The following DIP2C variants were observed in gnomAD, a reference collection of about 807,000 sequenced individuals.
DIP2C encodes the protein disco-interacting protein 2 homolog C.
Under a neutral mutation model 192.4 loss-of-function variants are expected in DIP2C, and 33 were observed. The observed-to-expected ratio is 0.17, with a 90% confidence interval of 0.13 to 0.23. DIP2C has a LOEUF of 0.23. DIP2C is among the 10% of genes least tolerant of loss of function. The pLI is 1.00. For missense variants in DIP2C, 1,537 were observed against 2,110.1 expected (o/e 0.73, Z 5.32); for synonymous variants, 979 against 864.1 (o/e 1.13, Z -2.33).
intron 1 of DIP2C, among the ~76,000 whole-genome samples, chr10:655,586 G>A (rs758325131): frequency 4.6e-5 from 7 of 152,138 alleles, no homozygotes; most frequent in Non-Finnish European, 7.4e-5. Flanking sequence ...TCTGTTCTGT[G>A]CTTTGCGACT....
chr10:302,683 C>T (rs886487090), intron 32 of DIP2C, among the ~76,000 whole-genome samples: 2 of 152,182 alleles, frequency 1.3e-5, no homozygotes, highest in African/African-American at 2.4e-5. Flanking sequence ...GCCAAGTGCT[C>T]CCGGGCTGCA....
At chr10:471,863 CT>C (rs1970656477) in intron 3 of DIP2C, among the ~76,000 whole-genome samples, 1 of 152,146 alleles carries the variant, frequency 6.6e-6, no homozygotes, top group Non-Finnish European at 1.5e-5. Flanking sequence ...AGCATTTCTC[CT>C]GCCTCAGCCT....
chr10:588,965 G>A (rs1851246594), intron 1 of DIP2C, among the ~76,000 whole-genome samples: 1 of 152,218 alleles, frequency 6.6e-6, no homozygotes, highest in Non-Finnish European at 1.5e-5. Flanking sequence ...GCATCACACA[G>A]GAGTCCCGGC....
intron 1 of DIP2C, among the ~76,000 whole-genome samples, chr10:499,315 C>A (rs113889057): frequency 2.7e-5 from 4 of 147,786 alleles, no homozygotes; most frequent in African/African-American, 1.0e-4. Flanking sequence ...CCTGTGTGGA[C>A]GGCTGGGCTC....
chr10:372,969 A>G (rs991117609), intron 17 of DIP2C, among the ~76,000 whole-genome samples: 27 of 152,214 alleles, frequency 1.8e-4, no homozygotes, highest in African/African-American at 5.3e-4. Context: ...CGTGTGCCAA[A>G]TGGTTCTGAC....
intron 1 of DIP2C, among the ~76,000 whole-genome samples, chr10:568,920 C>T (rs970196596): frequency 1.3e-5 from 2 of 152,046 alleles, no homozygotes; most frequent in African/African-American, 4.8e-5. Flanking sequence ...AGGCACGCTC[C>T]GTATTTTAGA....
rs748824439 is a variant in DIP2C, at chr10:283,249, GGGC to G, written c.4294+20_4294+22del. 1.3e-6 allele frequency: 2 copies of G among 1,580,956 alleles called. No homozygotes were observed. Among genetic ancestry groups the G allele is most frequent in the Non-Finnish European group, 1.7e-6 (2 of 1,157,670 alleles). On this transcript the variant is annotated intron_variant, in intron 35 of 36. Transcript: ENST00000280886. ...ACCTCTCTGCCCATCTGTTGGGGGG[GGGC>G]CGCCAGCCTGGACTCTCACCTCCAT...
chr10:684,116 G>A (rs1831230238), intron 1 of DIP2C, among the ~76,000 whole-genome samples: 1 of 152,158 alleles, frequency 6.6e-6, no homozygotes, highest in South Asian at 2.1e-4. Context: ...GCATTTATTC[G>A]CCAAGAAAAG....
intron 5 of DIP2C, among the ~76,000 whole-genome samples, chr10:420,886 G>A (rs1025858330): frequency 3.3e-5 from 5 of 152,092 alleles, no homozygotes; most frequent in Admixed American, 1.3e-4. Context: ...CGGAGGGATC[G>A]GCCAGTGTGA....
At chr10:570,131 C>T (rs912027213) in intron 1 of DIP2C, among the ~76,000 whole-genome samples, 1 of 152,182 alleles carries the variant, frequency 6.6e-6, no homozygotes, top group Admixed American at 6.5e-5. Flanking sequence ...TGCACAAATC[C>T]ATGTGGCTTC....
intron 1 of DIP2C, among the ~76,000 whole-genome samples, chr10:577,276 A>G (rs1156744692): frequency 1.3e-5 from 2 of 152,246 alleles, no homozygotes; most frequent in African/African-American, 4.8e-5. Context: ...ATGTAAATAC[A>G]GTTTATCACT....
chr10:612,819 G>A (rs934525777), intron 1 of DIP2C, among the ~76,000 whole-genome samples: 2 of 152,158 alleles, frequency 1.3e-5, no homozygotes, highest in Non-Finnish European at 2.9e-5. Flanking sequence ...CTCCACAGAA[G>A]CAAGTATTCT....
At chr10:501,480 A>G (rs937535569) in intron 1 of DIP2C, among the ~76,000 whole-genome samples, 2 of 151,486 alleles carry the variant, frequency 1.3e-5, no homozygotes, top group Non-Finnish European at 2.9e-5. Context: ...GATTTTTATA[A>G]TAATATGTTT....
At chr10:445,630 C>A (rs1296858725) in intron 3 of DIP2C, among the ~76,000 whole-genome samples, 1 of 113,098 alleles carries the variant, frequency 8.8e-6, no homozygotes, top group African/African-American at 8.7e-5. Flanking sequence ...TGCGAAGAGT[C>A]TATCTTGCAC....
chr10:445,072 C>G (rs900951846), intron 3 of DIP2C, among the ~76,000 whole-genome samples: 1 of 152,254 alleles, frequency 6.6e-6, no homozygotes, highest in Non-Finnish European at 1.5e-5. Flanking sequence ...TTCACTAGCA[C>G]CTGCTACCAT....
chr10:318,019 G>A (rs1321069790), intron 31 of DIP2C, among the ~76,000 whole-genome samples: 5 of 152,186 alleles, frequency 3.3e-5, no homozygotes, highest in Admixed American at 1.3e-4. Context: ...GCTTCGGCTT[G>A]TCTCCCCTTT....
chr10:314,531 C>T (rs1437802456), intron 31 of DIP2C, among the ~76,000 whole-genome samples: 2 of 152,238 alleles, frequency 1.3e-5, no homozygotes, highest in Non-Finnish European at 2.9e-5. Flanking sequence ...CCTCCCTGTG[C>T]TGCACCGGAT....
chr10:330,359 T>TCTA (rs1957448602), intron 29 of DIP2C, among the ~76,000 whole-genome samples: 1 of 5,864 alleles, frequency 1.7e-4, no homozygotes, highest in Non-Finnish European at 2.2e-3. Context: ...GATTACATAT[T>TCTA]TTATCAATTG....
At chr10:412,907 T>C (rs1213709794) in intron 8 of DIP2C, among the ~76,000 whole-genome samples, 8 of 152,230 alleles carry the variant, frequency 5.3e-5, no homozygotes, top group Non-Finnish European at 1.0e-4. Context: ...ATTTCAGCTA[T>C]CAACATAAAT....
Sources: gnomAD v4.1 joint callset for allele counts (sites outside exome capture counted in the v4.1 genomes callset) on GRCh38, gnomAD v4.1.1 for gene constraint, MANE v1.5 for transcripts, NCBI Gene and HGNC (gene_info 2026-07-23, HGNC 2026-07-21) for gene names.